UGT2B28: variants seen among roughly 807,000 people sequenced by gnomAD.
The protein encoded by UGT2B28 is UDP-glucuronosyltransferase 2B28.
UGT2B28 carries 45 observed loss-of-function variants against 43.6 expected under a neutral mutation model. The observed-to-expected ratio is 1.03, with a 90% CI of 0.81 to 1.32. The LOEUF is 1.32. Among genes scored for constraint, UGT2B28 ranks in the 40% most tolerant of loss-of-function variants. UGT2B28 has a pLI of 0.00. For missense variants in UGT2B28, 649 were observed against 625.5 expected (o/e 1.04, Z -0.40); for synonymous variants, 204 against 208.1 (o/e 0.98, Z 0.17).
intron 3 of UGT2B28, among the ~76,000 whole-genome samples, 188 bp downstream of exon 3, chr4:69,287,071 T>A (rs1438185984): frequency 7.2e-6 from 1 of 138,506 alleles, no homozygotes; most frequent in Non-Finnish European, 1.5e-5. Flanking sequence ...CATGTGGCCC[T>A]GGGGGTGTTA....
In UGT2B28 at chr4:69,283,627, A is replaced by G. The variant is rs1189762506; in HGVS notation, c.870+965A>G. On this transcript the variant is annotated intron_variant, in intron 2 of 5. Coordinates refer to ENST00000335568, the MANE Select transcript of UGT2B28 (RefSeq NM_053039.2). Reference sequence around the variant, plus strand: ...TTGTGTGGAAGAAATATTAAAACAGACAAAACACTTAAAATGTCTCTGGGA... The same window carrying G: ...TTGTGTGGAAGAAATATTAAAACAGGCAAAACACTTAAAATGTCTCTGGGA... Among the ~76,000 whole-genome samples, 9 of 140,652 alleles carry G rather than the reference A, an allele frequency of 6.4e-5. 2 individuals are homozygous for G. The highest frequency in any genetic ancestry group is 1.5e-5 in the Non-Finnish European group (1 of 65,702). 92.3% of individuals were successfully genotyped at this position (140,652 alleles called of 152,430 possible).
intron 2 of UGT2B28, among the ~76,000 whole-genome samples, chr4:69,285,476 T>C (rs1348105035): frequency 7.2e-6 from 1 of 139,184 alleles, no homozygotes; most frequent in Non-Finnish European, 1.5e-5. Context: ...GATGAAACAC[T>C]GAAAACGAGT....
intron 1 of UGT2B28, among the ~76,000 whole-genome samples, chr4:69,281,489 C>T (rs1431313251): frequency 7.1e-6 from 1 of 140,710 alleles, no homozygotes; most frequent in Non-Finnish European, 1.5e-5. Context: ...TAAGCAATTA[C>T]ACATCTGTTT....
At chr4:69,284,228 C>G (rs1206839261) in intron 2 of UGT2B28, among the ~76,000 whole-genome samples, 1 of 139,784 alleles carries the variant, frequency 7.2e-6, no homozygotes, top group African/African-American at 2.8e-5. Flanking sequence ...ATTTCTACCA[C>G]TTGTATCTGA....
At chr4:69,281,253 T>G in intron 1 of UGT2B28, 32 bp downstream of exon 1, 1 of 1,465,024 alleles carries the variant, frequency 6.8e-7, no homozygotes, top group Non-Finnish European at 9.0e-7. Flanking sequence ...AACTTGAAGA[T>G]CTAACTTATT....
In UGT2B28 at chr4:69,294,840, G is replaced by C. The variant is rs1418902729; in HGVS notation, c.*31G>C. 6.6e-7 allele frequency: 1 copy of C among 1,522,728 alleles called. No homozygotes were observed. Among genetic ancestry groups the C allele is most frequent in the South Asian group, 1.3e-5 (1 of 76,664 alleles). The allele number at this position is 1,522,728 out of a possible 1,614,324, so 94.3% of individuals were successfully genotyped here. On this transcript the variant is annotated 3_prime_UTR_variant, in exon 6 of 6. Transcript: ENST00000335568. ...TCTGACATTTGAAGCTGGAAAACCAGATAGATGGGTTGACATCAGTTTATT... is the reference window on the plus strand; with the variant it reads ...TCTGACATTTGAAGCTGGAAAACCACATAGATGGGTTGACATCAGTTTATT...
Position 69,281,162 on chromosome 4 carries a change from A to T in UGT2B28, c.662A>T (p.Asp221Val). ...VKNMIYVLYF[D>V]FWFQMCDMKK... is the part of the protein sequence containing the mutation. ...AACATGATCTATGTGCTTTATTTTG[A>T]CTTTTGGTTCCAAATGTGTGATATG... The change falls in exon 1 of 6, where the codon GAC becomes GTC. Residue 221 changes from aspartate (D) to valine (V), a missense_variant. Coordinates refer to ENST00000335568, the MANE Select transcript of UGT2B28 (RefSeq NM_053039.2). The T allele has an allele frequency of 6.5e-7, 1 of 1,549,734 alleles. No homozygotes were observed. The highest frequency in any genetic ancestry group is 8.7e-7 in the Non-Finnish European group (1 of 1,152,066).
In UGT2B28 at chr4:69,290,756, A is replaced by G. The variant is rs1193625682; in HGVS notation, c.1255A>G (p.Thr419Ala). 2.6e-6 allele frequency: 4 copies of G among 1,559,782 alleles called. No individual in the cohort carries two copies. Among genetic ancestry groups the G allele is most frequent in the South Asian group, 1.2e-5 (1 of 84,406 alleles). The change falls in exon 5 of 6, where the codon ACA becomes GCA. Residue 419 changes from threonine to alanine, a missense_variant. Transcript: ENST00000335568. ...KGAAVRLDFH[T>A]MSSTDLLNAL... is the part of the protein sequence containing the mutation. Reference sequence around the variant, plus strand: ...AGCAGCTGTTAGACTGGACTTCCACACAATGTCGAGTACAGACCTGCTGAA... The same window carrying G: ...AGCAGCTGTTAGACTGGACTTCCACGCAATGTCGAGTACAGACCTGCTGAA...
At chr4:69,292,285 C>T (rs540975536) in intron 5 of UGT2B28, among the ~76,000 whole-genome samples, 1 of 139,850 alleles carries the variant, frequency 7.2e-6, no homozygotes, top group Admixed American at 7.2e-5. Context: ...AGTCCAGCTA[C>T]CATCAATTCC....
rs560805070 is a variant in UGT2B28 at position 69,293,408 on chromosome 4, T to G, written c.1311-1122T>G. Among the ~76,000 whole-genome samples the G allele has an allele frequency of 5.8e-3, 817 of 140,822 alleles. 182 individuals carry two copies. The highest frequency in any genetic ancestry group is 0.022 in the African/African-American group (783 of 36,288). The allele number at this position is 140,822 out of a possible 152,430, so 92.4% of individuals were successfully genotyped here. On this transcript the variant is annotated intron_variant, in intron 5 of 5. Coordinates refer to ENST00000335568, the MANE Select transcript of UGT2B28 (RefSeq NM_053039.2). ...ACTATTCACTTAGTGTATGTATATT[T>G]ATCTTTTGTGTTTTATATTTAAATG...
rs776273045 is a variant in UGT2B28 at position 69,294,688 on chromosome 4, C to A, written c.1469C>A (p.Ser490Tyr). The A allele has an allele frequency of 1.3e-6, 2 of 1,560,088 alleles. No individual in the cohort carries two copies. Among genetic ancestry groups the A allele is most frequent in the Non-Finnish European group, 1.7e-6 (2 of 1,155,468 alleles). The change falls in exon 6 of 6, where the codon TCT becomes TAT. Residue 490 changes from serine to tyrosine, a missense_variant. Physicochemically the swap from Ser to Tyr is moderately radical, Grantham distance 144. Transcript: ENST00000335568. ...GACCTCACCTGGTTCCAGTACCACTCTTTGGATGTGATTGGGTTTCTGCTG... is the reference window on the plus strand; with the variant it reads ...GACCTCACCTGGTTCCAGTACCACTATTTGGATGTGATTGGGTTTCTGCTG... ...ARDLTWFQYH[S>Y]LDVIGFLLAC...
At position 69,286,767 on chromosome 4, in the gene UGT2B28, G is replaced by C. The variant is rs1179266315; in HGVS notation, c.886G>C (p.Val296Leu). The change falls in exon 3 of 6, where the codon GTA (valine) becomes CTA (leucine). Residue 296 changes from valine to leucine, a missense_variant. Physicochemically the swap from Val to Leu is conservative, Grantham distance 32 (BLOSUM62 1). Coordinates refer to ENST00000335568, the MANE Select transcript of UGT2B28 (RefSeq NM_053039.2). ...KPLPKEMEEF[V>L]QSSGENGVVV... ...TTTTTCACAGGAAATGGAGGAATTT[G>C]TACAGAGCTCTGGTGAAAATGGTGT... 1 of 1,555,182 alleles carries C rather than the reference G, an allele frequency of 6.4e-7. No homozygotes were observed. Among genetic ancestry groups the C allele is most frequent in the Non-Finnish European group, 8.7e-7 (1 of 1,154,214 alleles).
In UGT2B28 at chr4:69,294,681, T is replaced by A; in HGVS notation, c.1462T>A (p.Tyr488Asn). 6.4e-7 allele frequency: 1 copy of A among 1,560,356 alleles called. No homozygotes were observed. The highest frequency in any genetic ancestry group is 2.3e-5 in the East Asian group (1 of 43,544). The change falls in exon 6 of 6, where the codon TAC becomes AAC. Residue 488 changes from tyrosine to asparagine, a missense_variant. Tyr to Asn is a moderately radical substitution (Grantham distance 143). Transcript: ENST00000335568. ...AGCCCGTGACCTCACCTGGTTCCAG[T>A]ACCACTCTTTGGATGTGATTGGGTT... ...VAARDLTWFQ[Y>N]HSLDVIGFLL...
intron 5 of UGT2B28, among the ~76,000 whole-genome samples, chr4:69,292,230 T>C (rs1473108717): frequency 7.1e-6 from 1 of 140,518 alleles, no homozygotes; most frequent in Non-Finnish European, 1.5e-5. Context: ...TAATAATTGA[T>C]TTTGTTCACA....
rs1488379202 is a variant in UGT2B28 at position 69,287,391 on chromosome 4, G to A, written c.1002+508G>A. Among the ~76,000 whole-genome samples, 7 of 140,620 alleles carry A rather than the reference G, an allele frequency of 5.0e-5. 1 individual carries two copies. In the Admixed American group the frequency reaches 5.0e-4, roughly 10 times the overall value. 92.3% of individuals were successfully genotyped at this position (140,620 alleles called of 152,430 possible). A position where few individuals can be genotyped will look rare whatever the true frequency, so the allele number is the denominator to read the frequency against. ...TCCTAATCTCAGCAGTATCTAATGA[G>A]TGAAGAAGATTTGACTTACTCTTGG... On this transcript the variant is annotated intron_variant, in intron 3 of 5. Coordinates refer to ENST00000335568, the MANE Select transcript of UGT2B28 (RefSeq NM_053039.2).
intron 3 of UGT2B28, among the ~76,000 whole-genome samples, chr4:69,288,784 C>T (rs1723855362): frequency 7.2e-6 from 1 of 139,590 alleles, no homozygotes. Flanking sequence ...ATGTTGTTGC[C>T]ATCTATGTAT....
In UGT2B28 at chr4:69,281,305, G is replaced by A; in HGVS notation, c.721+84G>A. The A allele has an allele frequency of 8.1e-6, 11 of 1,353,816 alleles. 1 individual carries two copies. The highest frequency in any genetic ancestry group is 9.6e-6 in the Non-Finnish European group (10 of 1,044,302). The allele number at this position is 1,353,816 out of a possible 1,614,324, so 83.9% of individuals were successfully genotyped here. On this transcript the variant is annotated intron_variant, in intron 1 of 5. Coordinates refer to ENST00000335568, the MANE Select transcript of UGT2B28 (RefSeq NM_053039.2). ...AGCTTATATAAAGCCATAAAGTCAG[G>A]GAAGTGGAGTTTTTGGTAAGTGAAT...
At position 69,282,836 on chromosome 4, in the gene UGT2B28, G is replaced by A. The variant is rs545758839; in HGVS notation, c.870+174G>A. Among the ~76,000 whole-genome samples the A allele has an allele frequency of 1.4e-5, 2 of 140,568 alleles. 1 individual carries two copies. Among genetic ancestry groups the A allele is most frequent in the South Asian group, 4.7e-4 (2 of 4,224 alleles). The allele number at this position is 140,568 out of a possible 152,430, so 92.2% of individuals were successfully genotyped here. ...TATGTTAATACCATCACATGTATGT[G>A]AGTTTTATGCATATTACAAATAGAG... On this transcript the variant is annotated intron_variant, in intron 2 of 5. Coordinates refer to ENST00000335568, the MANE Select transcript of UGT2B28 (RefSeq NM_053039.2).
rs1308457751 is a variant in UGT2B28 at position 69,294,595 on chromosome 4, G to A, written c.1376G>A (p.Arg459Gln). ...GATCAACCAGTAAAGCCCCTGCATC[G>A]AGCAGTCTTCTGGATTGAATTTGTG... ...QHDQPVKPLH[R>Q]AVFWIEFVMC... Residue 459 changes from arginine (R) to glutamine (Q), a missense_variant, in exon 6 of 6, where the codon CGA becomes CAA. Transcript: ENST00000335568. The A allele has an allele frequency of 7.7e-6, 12 of 1,556,024 alleles. 2 individuals are homozygous for A. The Middle Eastern group carries it at 5.2e-4, about 67-fold the overall frequency.
Sources: allele counts gnomAD v4.1 joint callset (sites outside exome capture counted in the v4.1 genomes callset), GRCh38; gene constraint gnomAD v4.1.1; transcripts MANE v1.5; gene names NCBI Gene and HGNC (gene_info 2026-07-23, HGNC 2026-07-21).